ADAM10: variants seen among roughly 807,000 people sequenced by gnomAD.
ADAM10 encodes disintegrin and metalloproteinase domain-containing protein 10.
ADAM10 carries 17 observed loss-of-function variants against 90.1 expected under a neutral mutation model. The observed-to-expected ratio is 0.19, with a 90% CI of 0.13 to 0.28. ADAM10 has a LOEUF of 0.28. ADAM10 is among the 10% of genes least tolerant of loss of function. ADAM10 has a pLI of 1.00. For missense variants in ADAM10, 610 were observed against 914.3 expected (o/e 0.67, Z 4.29); for synonymous variants, 310 against 298.6 (o/e 1.04, Z -0.40).
At position 58,590,578 on chromosome 15, in the gene ADAM10, A is replaced by C. The variant is rs1308975029; in HGVS notation, c.*6969T>G. The stretch of plus-strand genomic sequence containing the variant: ...AGGAAAATGGTTAACAGGTCACTTC[A>C]CTTAATTACAGATGCTACTAGCAGA... On this transcript the variant is annotated 3_prime_UTR_variant, in exon 16 of 16. Coordinates refer to ENST00000260408, the MANE Select transcript of ADAM10 (RefSeq NM_001110.4). The C allele has an allele frequency of 6.6e-6, 1 of 152,218 alleles. No homozygotes were observed. Among genetic ancestry groups the C allele is most frequent in the Non-Finnish European group, 1.5e-5 (1 of 68,052 alleles). 9.4% of individuals were successfully genotyped at this position (152,218 alleles called of 1,614,324 possible). A position where few individuals can be genotyped will look rare whatever the true frequency, so the allele number is the denominator to read the frequency against.
chr15:58,679,061 C>T, intron 4 of ADAM10, 63 bp downstream of exon 4: 1 of 1,482,304 alleles, frequency 6.7e-7, no homozygotes, highest in Non-Finnish European at 9.3e-7. Context: ...CATTTGTCTC[C>T]ACACAGTTTT....
At chr15:58,691,774 C>A (rs1434722035) in intron 2 of ADAM10, 1 of 348,168 alleles carries the variant, frequency 2.9e-6, no homozygotes, top group Non-Finnish European at 5.6e-6. Flanking sequence ...CTTCCGCCTC[C>A]CAGGTTCAAG....
At chr15:58,627,475 G>C (rs1895981073) in intron 10 of ADAM10, among the ~76,000 whole-genome samples, 1 of 152,128 alleles carries the variant, frequency 6.6e-6, no homozygotes, top group African/African-American at 2.4e-5. Flanking sequence ...AGACTAAAAT[G>C]TTTAGGTGTG....
At chr15:58,745,435 C>A (rs977093383) in intron 1 of ADAM10, among the ~76,000 whole-genome samples, 9 of 151,934 alleles carry the variant, frequency 5.9e-5, no homozygotes, top group Admixed American at 5.9e-4. Context: ...TCTTACTTAC[C>A]CATTTAGATA....
At position 58,726,231 on chromosome 15, in the gene ADAM10, G is replaced by A. The variant is rs976275967; in HGVS notation, c.56-8504C>T. On this transcript the variant is annotated intron_variant, in intron 1 of 15. Coordinates refer to ENST00000260408, the MANE Select transcript of ADAM10 (RefSeq NM_001110.4). ...TATACAGTGATAAGTTATAGATATT[G>A]TACACTGAACAACCTCTAAAAAATA... Among the ~76,000 whole-genome samples, 10 of 152,058 alleles carry A rather than the reference G, an allele frequency of 6.6e-5. 1 individual carries two copies. The highest frequency in any genetic ancestry group is 2.6e-4 in the Admixed American group (4 of 15,268).
At chr15:58,635,157 C>A (rs1896213751) in intron 8 of ADAM10, among the ~76,000 whole-genome samples, 1 of 150,378 alleles carries the variant, frequency 6.6e-6, no homozygotes, top group Non-Finnish European at 1.5e-5. Context: ...TGCCTGTAGC[C>A]CCAGCTACTC....
chr15:58,620,761 C>T (rs1162741853), intron 11 of ADAM10, among the ~76,000 whole-genome samples: 1 of 47,212 alleles, frequency 2.1e-5, no homozygotes. Context: ...CTCCGCTTCC[C>T]GGGTTCACGC....
intron 4 of ADAM10, among the ~76,000 whole-genome samples, chr15:58,669,925 T>C (rs1164853038): frequency 2.0e-5 from 3 of 152,100 alleles, no homozygotes; most frequent in Non-Finnish European, 4.4e-5. Flanking sequence ...AAGTGCAAAC[T>C]AACCTAGAGA....
chr15:58,680,165 C>G (rs890362215), intron 3 of ADAM10, among the ~76,000 whole-genome samples: 21 of 152,072 alleles, frequency 1.4e-4, no homozygotes, highest in Non-Finnish European at 1.5e-5. Context: ...CTCTGTCACC[C>G]GGGCTGGAGT....
At chr15:58,601,580 A>G (rs1178489542) in intron 14 of ADAM10, among the ~76,000 whole-genome samples, 2 of 151,828 alleles carry the variant, frequency 1.3e-5, no homozygotes, top group African/African-American at 4.9e-5. Context: ...TTTCTACAAT[A>G]TAAGGGTGGT....
At chr15:58,742,724 T>A (rs1201314856) in intron 1 of ADAM10, among the ~76,000 whole-genome samples, 1 of 152,196 alleles carries the variant, frequency 6.6e-6, no homozygotes, top group East Asian at 1.9e-4. Flanking sequence ...TTTTTCCTAA[T>A]ATAAAAATCA....
chr15:58,619,235 A>T (rs1286354017), intron 11 of ADAM10, among the ~76,000 whole-genome samples: 4 of 152,218 alleles, frequency 2.6e-5, no homozygotes, highest in African/African-American at 7.2e-5. Context: ...AGACATAGAA[A>T]GACAAACAGC....
At chr15:58,712,513 G>A (rs149499420) in intron 2 of ADAM10, among the ~76,000 whole-genome samples, 163 of 121,078 alleles carry the variant, frequency 1.3e-3, no homozygotes, top group African/African-American at 3.9e-3. Flanking sequence ...AACAGAGCCC[G>A]GCCCTGTTTC....
chr15:58,603,874 G>GT lies in ADAM10; in HGVS notation c.2026-4151dup, dbSNP rs1172949134. On this transcript the variant is annotated intron_variant, in intron 14 of 15. Coordinates refer to ENST00000260408, the MANE Select transcript of ADAM10 (RefSeq NM_001110.4). ...ATCCTAGAAAGATTGGGGGTCCAGG[G>GT]TTAAAAAAAAAAAAAAAAAAAAAAA... Among the ~76,000 whole-genome samples, 168 of 107,610 alleles carry GT rather than the reference G, an allele frequency of 1.6e-3. 1 individual carries two copies. Among genetic ancestry groups the GT allele is most frequent in the African/African-American group, 3.8e-3 (99 of 26,362 alleles). The allele number at this position is 107,610 out of a possible 152,430, so 70.6% of individuals were successfully genotyped here.
chr15:58,642,531 G>A (rs1404065192), intron 7 of ADAM10, among the ~76,000 whole-genome samples: 1 of 151,610 alleles, frequency 6.6e-6, no homozygotes, highest in Non-Finnish European at 1.5e-5. Flanking sequence ...TAATATAGCT[G>A]ACAGAAATTT....
chr15:58,722,342 C>T (rs1429996696), intron 1 of ADAM10, among the ~76,000 whole-genome samples: 3 of 151,280 alleles, frequency 2.0e-5, no homozygotes, highest in African/African-American at 7.3e-5. Flanking sequence ...AACTCTGTCA[C>T]AAAAAATAAT....
intron 3 of ADAM10, among the ~76,000 whole-genome samples, chr15:58,681,638 C>A (rs535066548): frequency 6.6e-6 from 1 of 152,284 alleles, no homozygotes; most frequent in East Asian, 1.9e-4. Flanking sequence ...TCTTTCAACA[C>A]TACTAGTAGA....
chr15:58,732,633 A>G (rs1263815760), intron 1 of ADAM10: 1 of 151,370 alleles, frequency 6.6e-6, no homozygotes, highest in African/African-American at 2.4e-5. Flanking sequence ...ACTTGAACCC[A>G]GGAAGGCGGA....
At chr15:58,699,024 G>C (rs1450048077) in intron 2 of ADAM10, among the ~76,000 whole-genome samples, 1 of 152,166 alleles carries the variant, frequency 6.6e-6, no homozygotes, top group Non-Finnish European at 1.5e-5. Context: ...CAAAGACAAA[G>C]AGAGAATTCT....
Sources: gnomAD v4.1 joint callset for allele counts (sites outside exome capture counted in the v4.1 genomes callset) on GRCh38, gnomAD v4.1.1 for gene constraint, MANE v1.5 for transcripts, NCBI Gene and HGNC (gene_info 2026-07-23, HGNC 2026-07-21) for gene names.